The following CLASP2 variants were observed in gnomAD, a reference collection of about 807,000 sequenced individuals.
CLASP2 encodes CLIP-associating protein 2.
A neutral mutation model predicts 194.4 loss-of-function variants in CLASP2; 47 were observed. That is an observed-to-expected ratio of 0.24 (90% CI 0.19 to 0.31). The LOEUF (loss-of-function observed/expected upper bound fraction) is 0.31. CLASP2 is among the 10% of genes least tolerant of loss of function. The pLI is 1.00. For missense variants in CLASP2, 1,445 were observed against 1,823.6 expected (o/e 0.79, Z 3.78); for synonymous variants, 619 against 633.5 (o/e 0.98, Z 0.34).
intron 34 of CLASP2, among the ~76,000 whole-genome samples, chr3:33,533,079 T>C (rs1288534555): frequency 6.6e-6 from 1 of 152,220 alleles, no homozygotes; most frequent in Non-Finnish European, 1.5e-5. Flanking sequence ...GAAAAGTCAG[T>C]TGACATTTAG....
In CLASP2 at chr3:33,576,271, T is replaced by C. The variant is rs776948895; in HGVS notation, c.2352A>G (p.Pro784=). 8 of 1,611,398 alleles carry C rather than the reference T, an allele frequency of 5.0e-6. No individual in the cohort carries two copies. The Admixed American group carries it at 8.3e-5, about 17-fold the overall frequency. Residue 784 remains proline, a synonymous_variant, in exon 24 of 39, where the codon CCA becomes CCG. Transcript: ENST00000682230. ...SPVRSFQPLG[P]GYGISQSSRL... Reference sequence around the variant, plus strand: ...GACTTGATTGGCTGATCCCATAACCTGGACCTAATTCATCAAAAGAAGGAA... The same window carrying C: ...GACTTGATTGGCTGATCCCATAACCCGGACCTAATTCATCAAAAGAAGGAA...
rs1469504292 is a variant in CLASP2 at position 33,672,232 on chromosome 3, TC to T, written c.645-8718del. Among the ~76,000 whole-genome samples, 4 of 152,130 alleles carry T rather than the reference TC, an allele frequency of 2.6e-5. No homozygotes were observed. In the East Asian group the frequency reaches 7.7e-4, roughly 29 times the overall value. Reference sequence around the variant, plus strand: ...ACTGACACCTCACATGGCCGGGGACTCCTCTGAGACAAAACTTCCAGAGGAA... The same window carrying T: ...ACTGACACCTCACATGGCCGGGGACTCTCTGAGACAAAACTTCCAGAGGAA... On this transcript the variant is annotated intron_variant, in intron 6 of 38. Transcript: ENST00000682230.
intron 7 of CLASP2, among the ~76,000 whole-genome samples, chr3:33,663,004 C>T (rs1425801750): frequency 1.3e-5 from 2 of 151,936 alleles, no homozygotes; most frequent in Admixed American, 6.6e-5. Flanking sequence ...GTCTCTTGAT[C>T]AGTTATAGTC....
intron 6 of CLASP2, among the ~76,000 whole-genome samples, chr3:33,679,156 A>T (rs1309427871): frequency 1.3e-5 from 2 of 152,196 alleles, no homozygotes; most frequent in Non-Finnish European, 2.9e-5. Flanking sequence ...TTTCTTCAAA[A>T]AACTGTGCTA....
intron 34 of CLASP2, among the ~76,000 whole-genome samples, chr3:33,533,635 A>T (rs1266183153): frequency 6.6e-6 from 1 of 152,244 alleles, no homozygotes; most frequent in Admixed American, 6.5e-5. Flanking sequence ...GTAAATAGGT[A>T]GTAAGTTTAA....
At chr3:33,659,193 A>C in intron 7 of CLASP2, 1 of 1,356,074 alleles carries the variant, frequency 7.4e-7, no homozygotes, top group Non-Finnish European at 9.5e-7. Context: ...CTTGCTGAAA[A>C]CCCTCGTTTA....
intron 18 of CLASP2, among the ~76,000 whole-genome samples, chr3:33,597,456 TA>T (rs1273160806): frequency 6.6e-6 from 1 of 152,188 alleles, no homozygotes; most frequent in Non-Finnish European, 1.5e-5. Flanking sequence ...GTATTAATGA[TA>T]AGGTTATTTT....
At chr3:33,627,632 T>G (rs1366551752) in intron 9 of CLASP2, among the ~76,000 whole-genome samples, 1 of 152,138 alleles carries the variant, frequency 6.6e-6, no homozygotes, top group Non-Finnish European at 1.5e-5. Flanking sequence ...ATGGAGAAAC[T>G]ATGGTTAGCC....
At chr3:33,616,036 G>A (rs2076097643) in intron 12 of CLASP2, among the ~76,000 whole-genome samples, 1 of 150,446 alleles carries the variant, frequency 6.6e-6, no homozygotes, top group Non-Finnish European at 1.5e-5. Context: ...TGAGCTAAAA[G>A]TTGAAAAAAA....
intron 1 of CLASP2, among the ~76,000 whole-genome samples, chr3:33,700,522 A>G (rs924283257): frequency 2.0e-5 from 3 of 152,110 alleles, no homozygotes; most frequent in Non-Finnish European, 4.4e-5. Flanking sequence ...TGAGTTTAGT[A>G]AAGTCATGAG....
chr3:33,532,159 G>C (rs552263695), intron 34 of CLASP2, among the ~76,000 whole-genome samples: 1 of 152,184 alleles, frequency 6.6e-6, no homozygotes, highest in Non-Finnish European at 1.5e-5. Flanking sequence ...GCAAAATGTG[G>C]CATATACACA....
At chr3:33,690,367 T>C (rs562210416) in intron 2 of CLASP2, among the ~76,000 whole-genome samples, 32 of 152,186 alleles carry the variant, frequency 2.1e-4, no homozygotes, top group Non-Finnish European at 4.4e-4. Context: ...ACACCTTTTG[T>C]CTATTTCCTC....
chr3:33,627,060 G>A lies in CLASP2; in HGVS notation c.963C>T (p.Leu321=), dbSNP rs564671105. 9.6e-6 allele frequency: 15 copies of A among 1,566,036 alleles called. No individual in the cohort carries two copies. Among genetic ancestry groups the A allele is most frequent in the East Asian group, 2.3e-5 (1 of 44,002 alleles). Residue 321 remains leucine, a synonymous_variant, in exon 10 of 39, where the codon CTC becomes CTT. Transcript: ENST00000682230. Reference sequence around the variant, plus strand: ...CCCTGATTTTATTTAATGTTTCTTCGAGTTCTCGACTAGAATAAATCTTAA... The same window carrying A: ...CCCTGATTTTATTTAATGTTTCTTCAAGTTCTCGACTAGAATAAATCTTAA... ...PSIQIYSSRE[L]EETLNKIREI...
At chr3:33,594,866 T>G (rs1476136461) in intron 20 of CLASP2, 85 bp downstream of exon 20, 1 of 686,378 alleles carries the variant, frequency 1.5e-6, no homozygotes, top group Non-Finnish European at 2.1e-6. Flanking sequence ...GAAATTAGCC[T>G]ATTTTAGTTC....
intron 29 of CLASP2, among the ~76,000 whole-genome samples, chr3:33,555,542 A>AT (rs1254827019): frequency 6.6e-6 from 1 of 151,874 alleles, no homozygotes; most frequent in Admixed American, 6.6e-5. Flanking sequence ...ATTAAAAAAA[A>AT]TTTTTTGTAG....
intron 34 of CLASP2, among the ~76,000 whole-genome samples, chr3:33,522,309 T>C (rs1309964208): frequency 6.7e-6 from 1 of 148,186 alleles, no homozygotes; most frequent in East Asian, 2.0e-4. Context: ...CAGAAAAAGG[T>C]ACAGGCTCAG....
At position 33,705,957 on chromosome 3, in the gene CLASP2, TA is replaced by T. The variant is rs532107783; in HGVS notation, c.196-9025del. On this transcript the variant is annotated intron_variant, in intron 1 of 38. Transcript: ENST00000682230. Reference sequence around the variant, plus strand: ...AGATATAGACAGACATAAATGTTTATAAAAAACAATGATGGCTGGGTGCGGT... The same window carrying T: ...AGATATAGACAGACATAAATGTTTATAAAAACAATGATGGCTGGGTGCGGT... Among the ~76,000 whole-genome samples, 100 of 152,266 alleles carry T rather than the reference TA, an allele frequency of 6.6e-4. 1 individual carries two copies. Among genetic ancestry groups the T allele is most frequent in the African/African-American group, 2.3e-3 (96 of 41,560 alleles).
chr3:33,559,141 G>C (rs776124460), intron 29 of CLASP2, 166 bp downstream of exon 29: 2 of 696,090 alleles, frequency 2.9e-6, no homozygotes, highest in Non-Finnish European at 5.2e-6. Context: ...GCTCCAAAAA[G>C]AGTGAAGCTG....
chr3:33,695,126 C>T (rs1390872918), intron 2 of CLASP2, among the ~76,000 whole-genome samples: 3 of 147,058 alleles, frequency 2.0e-5, no homozygotes, highest in Admixed American at 6.9e-5. Flanking sequence ...GTGGTGCAAT[C>T]TTAGTTCATT....
Sources: allele counts gnomAD v4.1 joint callset (sites outside exome capture counted in the v4.1 genomes callset), GRCh38; gene constraint gnomAD v4.1.1; transcripts MANE v1.5; gene names NCBI Gene and HGNC (gene_info 2026-07-23, HGNC 2026-07-21).